AP3B1: variants seen among roughly 807,000 people sequenced by gnomAD.
The protein encoded by AP3B1 is AP-3 complex subunit beta-1.
A neutral mutation model predicts 132.5 loss-of-function variants in AP3B1; 61 were observed. That is an observed-to-expected ratio of 0.46 (90% CI 0.37 to 0.57). The LOEUF is 0.57. Ranked by LOEUF, AP3B1 falls within the 20% of genes least tolerant of loss-of-function variation. The probability of loss-of-function intolerance (pLI) is 0.00; values close to 1 mark genes in which losing one functional copy is unlikely to be tolerated. For synonymous variants in AP3B1, 388 were observed against 438.3 expected (o/e 0.89, Z 1.43); for missense variants, 1,120 against 1,289.4 (o/e 0.87, Z 2.01).
intron 1 of AP3B1, among the ~76,000 whole-genome samples, chr5:78,275,718 C>T (rs1748745109): frequency 6.6e-6 from 1 of 152,140 alleles, no homozygotes; most frequent in Non-Finnish European, 1.5e-5. Context: ...CGTGATCCAC[C>T]CACCTCGGCC....
chr5:78,168,063 C>A (rs533232660), intron 11 of AP3B1, among the ~76,000 whole-genome samples: 1 of 151,226 alleles, frequency 6.6e-6, no homozygotes, highest in East Asian at 1.9e-4. Context: ...TCTAAACGCT[C>A]CAATTAGAAG....
chr5:78,254,021 A>G (rs968062059), intron 2 of AP3B1, among the ~76,000 whole-genome samples: 6 of 151,934 alleles, frequency 3.9e-5, no homozygotes, highest in African/African-American at 1.5e-4. Flanking sequence ...AGTTAAAAAG[A>G]ATCAATCAGA....
At chr5:78,063,836 G>A (rs970860147) in intron 22 of AP3B1, among the ~76,000 whole-genome samples, 2 of 151,854 alleles carry the variant, frequency 1.3e-5, no homozygotes, top group Non-Finnish European at 2.9e-5. Flanking sequence ...AAAATAAACA[G>A]GATCTGCATA....
chr5:78,084,005 T>C (rs994149938), intron 22 of AP3B1, among the ~76,000 whole-genome samples: 1 of 152,208 alleles, frequency 6.6e-6, no homozygotes, highest in African/African-American at 2.4e-5. Context: ...AAAAGTTTCA[T>C]CTCTTTATTT....
chr5:78,281,792 A>G (rs1749069169), intron 1 of AP3B1, among the ~76,000 whole-genome samples: 1 of 152,164 alleles, frequency 6.6e-6, no homozygotes, highest in Non-Finnish European at 1.5e-5. Context: ...TGGTGCATAT[A>G]AAAAGAGTTC....
chr5:78,216,329 A>C, intron 6 of AP3B1, 92 bp from the exon 7 acceptor site: 1 of 1,186,742 alleles, frequency 8.4e-7, no homozygotes. Context: ...GTTTCATGCC[A>C]ATCAGTATTA....
At chr5:78,118,608 C>T (rs978615809) in intron 17 of AP3B1, among the ~76,000 whole-genome samples, 10 of 149,104 alleles carry the variant, frequency 6.7e-5, no homozygotes, top group African/African-American at 1.0e-4. Flanking sequence ...AACTGCAAGG[C>T]GGCAGTGAGG....
intron 11 of AP3B1, among the ~76,000 whole-genome samples, chr5:78,170,167 C>T (rs919197490): frequency 6.6e-6 from 1 of 152,102 alleles, no homozygotes. Flanking sequence ...TGATGGACAT[C>T]TGGGTTGCTT....
intron 22 of AP3B1, among the ~76,000 whole-genome samples, chr5:78,084,397 G>T (rs1386303171): frequency 6.6e-6 from 1 of 151,608 alleles, no homozygotes; most frequent in Admixed American, 6.6e-5. Flanking sequence ...GGTGGCAGGT[G>T]GCTGTAGTCC....
intron 7 of AP3B1, among the ~76,000 whole-genome samples, chr5:78,200,909 T>G (rs1580477913): frequency 6.6e-6 from 1 of 152,108 alleles, no homozygotes; most frequent in African/African-American, 2.4e-5. Context: ...TGACTATATT[T>G]GGAGACAGGG....
chr5:78,288,823 A>C (rs1381518425), intron 1 of AP3B1, among the ~76,000 whole-genome samples: 1 of 152,168 alleles, frequency 6.6e-6, no homozygotes, highest in East Asian at 1.9e-4. Flanking sequence ...AGAAATATTC[A>C]CTGAGCAACT....
Position 78,048,453 on chromosome 5 carries a change from T to C in AP3B1, c.2578-9179A>G, listed in dbSNP as rs184681709. Reference sequence around the variant, plus strand: ...GCTGGCAAGTTCTTATGCCTCCCCATGACTGGCTGCAGTTAACTGGTTCAG... The same window carrying C: ...GCTGGCAAGTTCTTATGCCTCCCCACGACTGGCTGCAGTTAACTGGTTCAG... On this transcript the variant is annotated intron_variant, in intron 22 of 26. Coordinates refer to ENST00000255194, the MANE Select transcript of AP3B1 (RefSeq NM_003664.5). Among the ~76,000 whole-genome samples the C allele has an allele frequency of 3.0e-3, 461 of 152,246 alleles. 2 individuals carry two copies. The highest frequency in any genetic ancestry group is 4.7e-3 in the Non-Finnish European group (318 of 68,016).
chr5:78,130,796 C>T (rs1027474375), intron 15 of AP3B1, among the ~76,000 whole-genome samples: 2 of 151,920 alleles, frequency 1.3e-5, no homozygotes, highest in Non-Finnish European at 2.9e-5. Flanking sequence ...TTGGTTAACT[C>T]TAAAGTCCAT....
intron 7 of AP3B1, among the ~76,000 whole-genome samples, chr5:78,214,012 T>C (rs913130659): frequency 3.3e-5 from 5 of 152,242 alleles, no homozygotes; most frequent in Non-Finnish European, 7.3e-5. Flanking sequence ...CCTGCCCTGC[T>C]TGGCTCGTTC....
intron 20 of AP3B1, among the ~76,000 whole-genome samples, chr5:78,106,522 T>G (rs1270029955): frequency 1.3e-5 from 2 of 152,060 alleles, no homozygotes; most frequent in Non-Finnish European, 2.9e-5. Flanking sequence ...AAGGTAGGTT[T>G]GGGCAAGCTA....
intron 22 of AP3B1, among the ~76,000 whole-genome samples, chr5:78,041,428 T>C (rs1275070519): frequency 1.3e-5 from 2 of 151,194 alleles, no homozygotes; most frequent in Non-Finnish European, 3.0e-5. Context: ...GTGTGGTGCA[T>C]TGCGCCTGTA....
At chr5:78,229,568 AG>A in intron 3 of AP3B1, among the ~76,000 whole-genome samples, 1 of 141,308 alleles carries the variant, frequency 7.1e-6, no homozygotes, top group Non-Finnish European at 1.5e-5. Context: ...TCCCATTTCT[AG>A]TAAAACAAAA....
intron 22 of AP3B1, chr5:78,088,841 GTTTT>G (rs1201226987): frequency 5.2e-5 from 8 of 153,506 alleles, no homozygotes; most frequent in African/African-American, 1.9e-4. Context: ...TATGTTGACG[GTTTT>G]TGCATTATTT....
chr5:78,125,388 A>G (rs1298952592), intron 17 of AP3B1, among the ~76,000 whole-genome samples: 2 of 152,178 alleles, frequency 1.3e-5, no homozygotes, highest in Admixed American at 1.3e-4. Context: ...TTTTCTTACT[A>G]AGTTATATTT....
Sources: allele counts gnomAD v4.1 joint callset (sites outside exome capture counted in the v4.1 genomes callset), GRCh38; gene constraint gnomAD v4.1.1; transcripts MANE v1.5; gene names NCBI Gene and HGNC (gene_info 2026-07-23, HGNC 2026-07-21).